SCAMP4: variants seen among roughly 807,000 people sequenced by gnomAD.
SCAMP4 encodes secretory carrier-associated membrane protein 4.
A neutral mutation model predicts 32.1 loss-of-function variants in SCAMP4; 19 were observed. The observed-to-expected ratio is 0.59, with a 90% CI of 0.41 to 0.87. The LOEUF (loss-of-function observed/expected upper bound fraction) is 0.87, where lower values mean the gene tolerates loss of function less well. SCAMP4 is among the 40% of genes least tolerant of loss of function. The pLI is 0.00. For synonymous variants in SCAMP4, 152 were observed against 132.7 expected (o/e 1.15, Z -1.00); for missense variants, 302 against 309.0 (o/e 0.98, Z 0.17).
At chr19:1,912,416 T>C in intron 1 of SCAMP4, 1 of 1,513,318 alleles carries the variant, frequency 6.6e-7, no homozygotes, top group Non-Finnish European at 8.8e-7. Context: ...GCTCGCTGGC[T>C]GAGCTCCTGC....
chr19:1,914,203 T>C (rs897955652), intron 1 of SCAMP4, among the ~76,000 whole-genome samples: 1 of 151,714 alleles, frequency 6.6e-6, no homozygotes, highest in Admixed American at 6.6e-5. Context: ...GAGTGAGAGG[T>C]GGGAGGTGGC....
chr19:1,906,064 C>T (rs549084325), intron 1 of SCAMP4: 6 of 152,346 alleles, frequency 3.9e-5, no homozygotes, highest in East Asian at 3.9e-4. Flanking sequence ...GGATCGACTC[C>T]GTGGAAACAA....
chr19:1,911,284 G>C (rs2013432081), intron 1 of SCAMP4, among the ~76,000 whole-genome samples: 1 of 151,924 alleles, frequency 6.6e-6, no homozygotes, highest in African/African-American at 2.4e-5. Flanking sequence ...TGCTCCTCCT[G>C]TTTCAGCTTC....
In SCAMP4 at chr19:1,924,628, G is replaced by A; in HGVS notation, c.*344G>A. ...GCCTGACTCCGGGGGACAGGTGGCA[G>A]CAGGTCGGCCGCCCTCCCGTCCTCC... On this transcript the variant is annotated 3_prime_UTR_variant, in exon 7 of 7. Transcript: ENST00000316097. 1 of 301,570 alleles carries A rather than the reference G, an allele frequency of 3.3e-6. No individual in the cohort carries two copies. The highest frequency in any genetic ancestry group is 4.2e-5 in the South Asian group (1 of 24,062). The allele number at this position is 301,570 out of a possible 1,614,324, so 18.7% of individuals were successfully genotyped here.
At chr19:1,912,858 G>C in intron 1 of SCAMP4, 1 of 1,597,964 alleles carries the variant, frequency 6.3e-7, no homozygotes, top group Admixed American at 1.7e-5. Flanking sequence ...CGCCCCGGCC[G>C]CTGCCCCCCA....
intron 1 of SCAMP4, among the ~76,000 whole-genome samples, chr19:1,907,445 A>AG (rs1459360063): frequency 6.6e-6 from 1 of 150,422 alleles, no homozygotes; most frequent in African/African-American, 2.4e-5. Context: ...GTGGAAGCCG[A>AG]GGCTTGGAGG....
intron 5 of SCAMP4, chr19:1,921,099 CT>C: frequency 1.0e-6 from 1 of 985,418 alleles, no homozygotes. Context: ...CGCACAGCGA[CT>C]TCATGTCCAC....
chr19:1,917,477 C>A (rs984739605), intron 2 of SCAMP4, among the ~76,000 whole-genome samples: 1 of 152,132 alleles, frequency 6.6e-6, no homozygotes, highest in African/African-American at 2.4e-5. Flanking sequence ...ACAGCCTCAG[C>A]GCAGCCTCTT....
chr19:1,919,384 A>G (rs752536033), intron 5 of SCAMP4: 5 of 985,124 alleles, frequency 5.1e-6, no homozygotes, highest in Middle Eastern at 5.2e-4. Flanking sequence ...GTAAAAACAC[A>G]CATACCTGGT....
At chr19:1,909,837 G>A (rs2013343792) in intron 1 of SCAMP4, among the ~76,000 whole-genome samples, 1 of 152,218 alleles carries the variant, frequency 6.6e-6, no homozygotes, top group African/African-American at 2.4e-5. Flanking sequence ...CACAGCTGCA[G>A]GAATGTGGTC....
intron 1 of SCAMP4, among the ~76,000 whole-genome samples, chr19:1,911,022 C>T (rs569090600): frequency 6.6e-6 from 1 of 152,200 alleles, no homozygotes; most frequent in East Asian, 1.9e-4. Context: ...ACTACAGGTG[C>T]GTGCCACCAG....
At chr19:1,916,511 T>C (rs1438202432) in intron 2 of SCAMP4, among the ~76,000 whole-genome samples, 5 of 152,134 alleles carry the variant, frequency 3.3e-5, no homozygotes, top group Non-Finnish European at 5.9e-5. Flanking sequence ...CAGGCTGGAG[T>C]GCAGTGGTGT....
At chr19:1,906,866 T>TGGTGTGTGTGTGTGTGTG (rs1555836653) in intron 1 of SCAMP4, 3,256 of 130,054 alleles carry the variant, frequency 0.025, 64 homozygotes, top group East Asian at 0.085. Flanking sequence ...AAAAAAAAAA[T>TGGTGTGTGTGTGTGTGTG]TGTGTGTGTG....
intron 1 of SCAMP4, among the ~76,000 whole-genome samples, chr19:1,909,360 G>A (rs2013313264): frequency 6.6e-6 from 1 of 152,204 alleles, no homozygotes; most frequent in African/African-American, 2.4e-5. Context: ...CCCGCCTAGG[G>A]CAGGCTCCCT....
At position 1,915,626 on chromosome 19, in the gene SCAMP4, C is replaced by G. The variant is rs532353342; in HGVS notation, c.7+600C>G. ...ATAAAGTACTGGAGCAGGGCGAGCT[C>G]TCATCCCAGTGCCTGCTGTGTTTAT... On this transcript the variant is annotated intron_variant, in intron 2 of 6. Coordinates refer to ENST00000316097, the MANE Select transcript of SCAMP4 (RefSeq NM_079834.4). 1.5e-4 allele frequency: 24 copies of G among 156,828 alleles called. No homozygotes were observed. The South Asian group carries it at 4.5e-3, about 29-fold the overall frequency. 9.7% of individuals were successfully genotyped at this position (156,828 alleles called of 1,614,324 possible).
chr19:1,919,026 G>A (rs1258420246), intron 5 of SCAMP4, 36 bp downstream of exon 5: 6 of 1,575,150 alleles, frequency 3.8e-6, no homozygotes, highest in African/African-American at 1.4e-5. Flanking sequence ...TGGCTGTGAT[G>A]TGGCTCAGCT....
At position 1,908,100 on chromosome 19, in the gene SCAMP4, T is replaced by G; in HGVS notation, c.-42+2661T>G. 2 of 190,014 alleles carry G rather than the reference T, an allele frequency of 1.1e-5. No individual in the cohort carries two copies. Among genetic ancestry groups the G allele is most frequent in the South Asian group, 1.7e-4 (2 of 11,990 alleles). The allele number at this position is 190,014 out of a possible 1,614,324, so 11.8% of individuals were successfully genotyped here. A position where few individuals can be genotyped will look rare whatever the true frequency, so the allele number is the denominator to read the frequency against. The stretch of plus-strand genomic sequence containing the variant: ...GTCTTTTACCCTGGAGACAGTGGAG[T>G]GTTTGTGGCCTAGCAGGGCCGTGCG... On this transcript the variant is annotated intron_variant, in intron 1 of 6. Coordinates refer to ENST00000316097, the MANE Select transcript of SCAMP4 (RefSeq NM_079834.4). This position sits in a 1 kb window ranked among gnomAD's most constrained non-coding sequence, Gnocchi z 4.2.
rs76910491 is a variant in SCAMP4, at chr19:1,922,265, G to A, written c.396-805G>A. The A allele has an allele frequency of 1.6e-4, 159 of 985,216 alleles. 1 individual carries two copies. The East Asian group carries it at 0.013, about 79-fold the overall frequency. The allele number at this position is 985,216 out of a possible 1,614,324, so 61.0% of individuals were successfully genotyped here. ...GCTGATCTAAGCAGTGCTTTCCCTC[G>A]TTTTTTTATTTTGAGACAGAATCTT... On this transcript the variant is annotated intron_variant, in intron 5 of 6. Coordinates refer to ENST00000316097, the MANE Select transcript of SCAMP4 (RefSeq NM_079834.4).
rs1442371643 is a variant in SCAMP4, at chr19:1,924,371, G to C, written c.*87G>C. On this transcript the variant is annotated 3_prime_UTR_variant, in exon 7 of 7. Coordinates refer to ENST00000316097, the MANE Select transcript of SCAMP4 (RefSeq NM_079834.4). The stretch of plus-strand genomic sequence containing the variant: ...TGGTCCCGAGGGCTGGGAGTACCTG[G>C]GGCCCCATCCCCCCAGCTGGGATGG... 7.4e-7 allele frequency: 1 copy of C among 1,349,638 alleles called. No homozygotes were observed. The highest frequency in any genetic ancestry group is 1.5e-5 in the African/African-American group (1 of 68,476). 83.6% of individuals were successfully genotyped at this position (1,349,638 alleles called of 1,614,324 possible).
Sources: allele counts gnomAD v4.1 joint callset (sites outside exome capture counted in the v4.1 genomes callset), GRCh38; gene constraint gnomAD v4.1.1; non-coding constraint Gnocchi (gnomAD v3.1); transcripts MANE v1.5; gene names NCBI Gene and HGNC (gene_info 2026-07-23, HGNC 2026-07-21).